Variants in HMCN1 observed in about 807,000 individuals in gnomAD.
HMCN1 encodes hemicentin-1.
A neutral mutation model predicts 625.9 loss-of-function variants in HMCN1; 321 were observed. The observed-to-expected ratio is 0.51, with a 90% confidence interval of 0.47 to 0.56. The LOEUF (loss-of-function observed/expected upper bound fraction) is 0.56. Among genes scored for constraint, HMCN1 ranks in the 20% least tolerant of loss-of-function variants. The pLI is 0.00. For synonymous variants in HMCN1, 2,425 were observed against 2,417.6 expected, an observed-to-expected ratio of 1.00 and a Z score of -0.09; for missense variants, 6,588 against 6,887.3, an observed-to-expected ratio of 0.96 and a Z score of 1.54.
intron 82 of HMCN1, among the ~76,000 whole-genome samples, chr1:186,127,321 A>G (rs971028337): frequency 6.6e-6 from 1 of 151,938 alleles, no homozygotes; most frequent in African/African-American, 2.4e-5. Flanking sequence ...AGATACTGAT[A>G]GGCATCAGCA....
At chr1:185,760,986 T>C (rs1431304352) in intron 1 of HMCN1, among the ~76,000 whole-genome samples, 1 of 152,172 alleles carries the variant, frequency 6.6e-6, no homozygotes, top group African/African-American at 2.4e-5. Flanking sequence ...GTAATCATTA[T>C]ATTCTCTTAT....
At chr1:185,736,352 A>G (rs933662015) in intron 1 of HMCN1, among the ~76,000 whole-genome samples, 1 of 152,180 alleles carries the variant, frequency 6.6e-6, no homozygotes, top group Non-Finnish European at 1.5e-5. Flanking sequence ...ATATTTGAAT[A>G]AAGAATTGAA....
Position 186,162,570 on chromosome 1 carries a change from G to C in HMCN1, c.15257-2541G>C, listed in dbSNP as rs1197786133. Reference sequence around the variant, plus strand: ...TTTCTACTTTTGGTCTTTGATGATGGTGATGTACAGATGGGTTTTTGGTGT... The same window carrying C: ...TTTCTACTTTTGGTCTTTGATGATGCTGATGTACAGATGGGTTTTTGGTGT... On this transcript the variant is annotated intron_variant, in intron 97 of 106. Transcript: ENST00000271588. 2.6e-5 allele frequency among the ~76,000 whole-genome samples: 4 copies of C among 152,234 alleles called. No homozygotes were observed. The South Asian group carries it at 8.3e-4, about 32-fold the overall frequency.
chr1:186,016,886 T>A, intron 32 of HMCN1, 77 bp from the exon 33 acceptor site: 2 of 816,898 alleles, frequency 2.4e-6, no homozygotes, highest in Non-Finnish European at 4.4e-6. Context: ...TGAACTGCTA[T>A]GTATTATTGC....
chr1:186,165,297 C>A, intron 98 of HMCN1, 124 bp downstream of exon 98: 1 of 851,266 alleles, frequency 1.2e-6, no homozygotes, highest in South Asian at 1.5e-5. Flanking sequence ...GTAAACATCC[C>A]ATTTGACAGC....
intron 11 of HMCN1, among the ~76,000 whole-genome samples, chr1:185,956,532 C>T (rs1410699443): frequency 1.3e-5 from 2 of 152,166 alleles, no homozygotes; most frequent in Non-Finnish European, 2.9e-5. Context: ...GTAGAAGTGG[C>T]ACAGAGCTTC....
At chr1:186,088,401 C>T (rs558694806) in intron 62 of HMCN1, 125 bp downstream of exon 62, 94 of 1,460,728 alleles carry the variant, frequency 6.4e-5, no homozygotes, top group East Asian at 6.3e-4. Flanking sequence ...AGAAGGCTAA[C>T]GCACTGAAAT....
chr1:186,004,020 C>A (rs961711680), intron 29 of HMCN1, among the ~76,000 whole-genome samples, 176 bp downstream of exon 29: 1 of 152,010 alleles, frequency 6.6e-6, no homozygotes, highest in African/African-American at 2.4e-5. Context: ...TTTTTTCATT[C>A]TTTTGAATTC....
At chr1:185,970,644 A>T (rs948293575) in intron 15 of HMCN1, 151 bp downstream of exon 15, 2 of 707,610 alleles carry the variant, frequency 2.8e-6, no homozygotes, top group Non-Finnish European at 5.0e-6. Flanking sequence ...AGTAGTTAGC[A>T]TTTACTAGGT....
Position 186,046,764 on chromosome 1 carries a change from T to C in HMCN1, c.6480+901T>C, listed in dbSNP as rs749110209. ...GGAACAGATAATTTAACAAAGTGAA[T>C]GTTTGGAAATAATGTTGAAAAGGTT... On this transcript the variant is annotated intron_variant, in intron 41 of 106. Coordinates refer to ENST00000271588, the MANE Select transcript of HMCN1 (RefSeq NM_031935.3). Among the ~76,000 whole-genome samples, 11 of 152,208 alleles carry C rather than the reference T, an allele frequency of 7.2e-5. No homozygotes were observed. In the East Asian group the frequency reaches 1.7e-3, roughly 24 times the overall value.
chr1:186,015,514 TA>T, intron 31 of HMCN1, 77 bp downstream of exon 31: 1 of 1,358,532 alleles, frequency 7.4e-7, no homozygotes, highest in Non-Finnish European at 1.0e-6. Flanking sequence ...ATTTATTCAC[TA>T]ATAGTCCTTG....
At chr1:185,902,419 CTA>C (rs1295946861) in intron 4 of HMCN1, among the ~76,000 whole-genome samples, 11 of 135,092 alleles carry the variant, frequency 8.1e-5, no homozygotes, top group African/African-American at 3.8e-4. Flanking sequence ...ATCTATCTAT[CTA>C]TCTATCTATC....
chr1:185,787,128 A>T (rs980372408), intron 1 of HMCN1, among the ~76,000 whole-genome samples: 1 of 149,818 alleles, frequency 6.7e-6, no homozygotes, highest in African/African-American at 2.5e-5. Context: ...AATTGTATGA[A>T]GCGCCATGAT....
At chr1:185,863,864 C>T (rs376467503) in intron 2 of HMCN1, among the ~76,000 whole-genome samples, 2 of 152,240 alleles carry the variant, frequency 1.3e-5, no homozygotes, top group African/African-American at 2.4e-5. Context: ...GTTTCTCTGG[C>T]AGGTATGAAG....
At chr1:186,019,478 A>G (rs1251273301) in intron 34 of HMCN1, 63 bp from the exon 35 acceptor site, 28 of 1,226,102 alleles carry the variant, frequency 2.3e-5, no homozygotes, top group Non-Finnish European at 2.8e-5. Context: ...TCTTGCATAC[A>G]TATTTTTAAG....
chr1:185,997,738 T>C (rs1652903178), intron 25 of HMCN1, among the ~76,000 whole-genome samples: 1 of 152,136 alleles, frequency 6.6e-6, no homozygotes, highest in Non-Finnish European at 1.5e-5. Flanking sequence ...GTAAAGACTT[T>C]CCATTCTTTC....
chr1:185,805,558 C>T (rs1239785751), intron 1 of HMCN1, among the ~76,000 whole-genome samples: 1 of 151,822 alleles, frequency 6.6e-6, no homozygotes, highest in Admixed American at 6.6e-5. Context: ...TGATAAAGGA[C>T]AAAAAAGGAA....
At chr1:185,831,849 T>C (rs1437749067) in intron 1 of HMCN1, among the ~76,000 whole-genome samples, 1 of 152,154 alleles carries the variant, frequency 6.6e-6, no homozygotes, top group Non-Finnish European at 1.5e-5. Context: ...TAAAAAACCT[T>C]CTAAGATTTC....
intron 97 of HMCN1, among the ~76,000 whole-genome samples, chr1:186,163,196 T>A (rs574630207): frequency 1.3e-5 from 2 of 152,340 alleles, no homozygotes; most frequent in East Asian, 3.9e-4. Context: ...TCCATGGGCA[T>A]AGGACCCTCT....
Sources: gnomAD v4.1 joint callset for allele counts (sites outside exome capture counted in the v4.1 genomes callset) on GRCh38, gnomAD v4.1.1 for gene constraint, MANE v1.5 for transcripts, NCBI Gene and HGNC (gene_info 2026-07-23, HGNC 2026-07-21) for gene names.